WWOX: variants seen among roughly 807,000 people sequenced by gnomAD.
The protein encoded by WWOX is WW domain-containing oxidoreductase.
Under a neutral mutation model 46.2 loss-of-function variants are expected in WWOX, and 69 were observed. The observed-to-expected ratio is 1.49, with a 90% CI of 1.23 to 1.82. WWOX has a LOEUF of 1.82. WWOX is among the 40% of genes most tolerant of loss of function. The probability of loss-of-function intolerance (pLI) is 0.00; values close to 1 mark genes in which losing one functional copy is unlikely to be tolerated. For synonymous variants in WWOX, 359 were observed against 202.6 expected, an observed-to-expected ratio of 1.77 and a Z score of -6.56; for missense variants, 919 against 542.6, an observed-to-expected ratio of 1.69 and a Z score of -6.89.
chr16:78,880,183 A>C (rs1912422), intron 8 of WWOX, among the ~76,000 whole-genome samples: 151,730 of 152,318 alleles, frequency 1, 75,575 homozygotes, highest in Middle Eastern at 1. Context: ...AGAAAAGACA[A>C]CAGTACCAAA....
At chr16:78,509,451 A>G (rs1753748422) in intron 8 of WWOX, among the ~76,000 whole-genome samples, 1 of 146,738 alleles carries the variant, frequency 6.8e-6, no homozygotes, top group Non-Finnish European at 1.5e-5. Context: ...AAAAAAAAAA[A>G]TAATATAATA....
intron 8 of WWOX, chr16:78,890,472 G>C (rs1050457919): frequency 4.0e-5 from 6 of 151,822 alleles, no homozygotes; most frequent in African/African-American, 1.2e-4. Flanking sequence ...AGTCAGGAGG[G>C]CTTGTCCACA....
chr16:78,762,657 C>T (rs2049823123), intron 8 of WWOX, among the ~76,000 whole-genome samples: 1 of 152,286 alleles, frequency 6.6e-6, no homozygotes, highest in South Asian at 2.1e-4. Flanking sequence ...TTGGAGCTTA[C>T]TCCTAAGCTA....
chr16:78,765,547 C>T (rs1321561053), intron 8 of WWOX, among the ~76,000 whole-genome samples: 3 of 152,000 alleles, frequency 2.0e-5, no homozygotes, highest in Non-Finnish European at 2.9e-5. Context: ...GGTGTGATAG[C>T]GGGCGCCTGT....
intron 8 of WWOX, among the ~76,000 whole-genome samples, chr16:78,883,055 G>C (rs1597102418): frequency 6.6e-6 from 1 of 152,160 alleles, no homozygotes; most frequent in Non-Finnish European, 1.5e-5. Context: ...AAGCACCTTA[G>C]CGGTTCGCCT....
chr16:78,210,509 ACT>A (rs970784315), intron 5 of WWOX, among the ~76,000 whole-genome samples: 1 of 150,882 alleles, frequency 6.6e-6, no homozygotes, highest in Non-Finnish European at 1.5e-5. Context: ...ACAGACACAC[ACT>A]CTCTCTCTCT....
At chr16:78,596,907 C>A (rs1428037280) in intron 8 of WWOX, among the ~76,000 whole-genome samples, 1 of 152,102 alleles carries the variant, frequency 6.6e-6, no homozygotes, top group Admixed American at 6.6e-5. Flanking sequence ...CAAAGCAAGC[C>A]CCACACTCTC....
chr16:78,597,372 T>C (rs2045516188), intron 8 of WWOX, among the ~76,000 whole-genome samples: 1 of 152,226 alleles, frequency 6.6e-6, no homozygotes, highest in Admixed American at 6.5e-5. Flanking sequence ...ATTTGGATTC[T>C]ACGGTGGCTC....
intron 8 of WWOX, among the ~76,000 whole-genome samples, chr16:78,558,710 G>C (rs1004599672): frequency 6.6e-6 from 1 of 152,234 alleles, no homozygotes; most frequent in Non-Finnish European, 1.5e-5. Flanking sequence ...GCCTCTGCCA[G>C]TGTCACTTCT....
intron 5 of WWOX, among the ~76,000 whole-genome samples, chr16:78,278,024 G>A (rs1388385726): frequency 6.6e-6 from 1 of 152,172 alleles, no homozygotes; most frequent in Non-Finnish European, 1.5e-5. Flanking sequence ...GGGTGTGAAC[G>A]GTGTGAGTGG....
At chr16:78,563,663 A>G (rs184472987) in intron 8 of WWOX, among the ~76,000 whole-genome samples, 293 of 152,104 alleles carry the variant, frequency 1.9e-3, no homozygotes, top group Non-Finnish European at 2.8e-3. Context: ...ATCCAGGAGG[A>G]ATGATTAGTG....
At chr16:78,830,351 A>G (rs978867183) in intron 8 of WWOX, among the ~76,000 whole-genome samples, 2 of 152,166 alleles carry the variant, frequency 1.3e-5, no homozygotes, top group Non-Finnish European at 2.9e-5. Flanking sequence ...ATATTATCAT[A>G]ATGCCTACCT....
chr16:78,975,767 G>C (rs1283227508), intron 8 of WWOX, among the ~76,000 whole-genome samples: 5 of 152,174 alleles, frequency 3.3e-5, no homozygotes, highest in African/African-American at 9.7e-5. Context: ...CGGAGGTCAT[G>C]ATGGAATTCA....
At position 78,368,917 on chromosome 16, in the gene WWOX, G is replaced by T. The variant is rs182813850; in HGVS notation, c.517-17943G>T. Among the ~76,000 whole-genome samples, 173 of 152,286 alleles carry T rather than the reference G, an allele frequency of 1.1e-3. 2 individuals are homozygous for T. The highest frequency in any genetic ancestry group is 3.8e-3 in the African/African-American group (156 of 41,554). On this transcript the variant is annotated intron_variant, in intron 5 of 8. Coordinates refer to ENST00000566780, the MANE Select transcript of WWOX (RefSeq NM_016373.4). Reference sequence around the variant, plus strand: ...CATCCCACCACTGCTCTGTGTCTGTGTGCGACTGTCAGTTGCTCTCTACTG... The same window carrying T: ...CATCCCACCACTGCTCTGTGTCTGTTTGCGACTGTCAGTTGCTCTCTACTG...
At chr16:78,706,278 C>G (rs1273149639) in intron 8 of WWOX, among the ~76,000 whole-genome samples, 1 of 152,064 alleles carries the variant, frequency 6.6e-6, no homozygotes, top group Non-Finnish European at 1.5e-5. Flanking sequence ...CTGTCTGTGT[C>G]TGTCAGTCTC....
intron 3 of WWOX, among the ~76,000 whole-genome samples, chr16:78,112,460 A>G (rs967502354): frequency 2.0e-5 from 3 of 152,232 alleles, no homozygotes; most frequent in African/African-American, 7.2e-5. Context: ...TTTTGGTGCA[A>G]AACTGATATT....
intron 8 of WWOX, among the ~76,000 whole-genome samples, chr16:78,764,990 T>C (rs2049893693): frequency 6.6e-6 from 1 of 152,168 alleles, no homozygotes. Flanking sequence ...ACTTAAGATA[T>C]GGTTGAGGGA....
intron 8 of WWOX, among the ~76,000 whole-genome samples, chr16:79,110,392 T>C (rs998198464): frequency 1.3e-5 from 2 of 152,090 alleles, no homozygotes; most frequent in Non-Finnish European, 2.9e-5. Flanking sequence ...TGGAGAGCTA[T>C]AGAAACCTTG....
intron 8 of WWOX, among the ~76,000 whole-genome samples, chr16:79,169,699 A>T (rs919498571): frequency 6.6e-6 from 1 of 152,174 alleles, no homozygotes; most frequent in Admixed American, 6.5e-5. Flanking sequence ...TTTAGAATGG[A>T]CCTGCCAAAT....
Sources: gnomAD v4.1 joint callset for allele counts (sites outside exome capture counted in the v4.1 genomes callset) on GRCh38, gnomAD v4.1.1 for gene constraint, MANE v1.5 for transcripts, NCBI Gene and HGNC (gene_info 2026-07-23, HGNC 2026-07-21) for gene names.